Variants in HMCN1 observed in about 807,000 individuals in gnomAD.
HMCN1 encodes the protein hemicentin-1.
Under a neutral mutation model 625.9 loss-of-function variants are expected in HMCN1, and 321 were observed. That is an observed-to-expected ratio of 0.51 (90% CI 0.47 to 0.56). The LOEUF (loss-of-function observed/expected upper bound fraction) is 0.56. Among genes scored for constraint, HMCN1 ranks in the 20% least tolerant of loss-of-function variants. The probability of loss-of-function intolerance (pLI) is 0.00; values close to 1 mark genes in which losing one functional copy is unlikely to be tolerated. For missense variants in HMCN1, 6,588 were observed against 6,887.3 expected, an observed-to-expected ratio of 0.96 and a Z score of 1.54; for synonymous variants, 2,425 against 2,417.6, an observed-to-expected ratio of 1.00 and a Z score of -0.09.
intron 44 of HMCN1, among the ~76,000 whole-genome samples, chr1:186,054,969 A>T (rs1359946048): frequency 6.6e-6 from 1 of 152,044 alleles, no homozygotes; most frequent in Non-Finnish European, 1.5e-5. Context: ...CTGAGAAACC[A>T]TCTCAGTTTT....
rs372743369 is a variant in HMCN1 at position 186,040,189 on chromosome 1, C to T, written c.6180+310C>T. 1.4e-4 allele frequency among the ~76,000 whole-genome samples: 21 copies of T among 152,154 alleles called. No individual in the cohort carries two copies. The East Asian group carries it at 1.5e-3, about 11-fold the overall frequency. On this transcript the variant is annotated intron_variant, in intron 39 of 106. Coordinates refer to ENST00000271588, the MANE Select transcript of HMCN1 (RefSeq NM_031935.3). ...TGCTGCTACCACAATAGATACTTTACACAAAGAAATGTTAATAAGAAAATA... is the reference window on the plus strand; with the variant it reads ...TGCTGCTACCACAATAGATACTTTATACAAAGAAATGTTAATAAGAAAATA...
intron 1 of HMCN1, among the ~76,000 whole-genome samples, chr1:185,838,497 C>T (rs1318656152): frequency 6.6e-6 from 1 of 152,066 alleles, no homozygotes; most frequent in Non-Finnish European, 1.5e-5. Context: ...TATTGGGGAA[C>T]CTGTAGGAGC....
intron 1 of HMCN1, among the ~76,000 whole-genome samples, chr1:185,751,980 T>C (rs1654844431): frequency 6.6e-6 from 1 of 152,162 alleles, no homozygotes; most frequent in African/African-American, 2.4e-5. Flanking sequence ...TTTATTTCCT[T>C]GTGTGGTTGC....
intron 81 of HMCN1, among the ~76,000 whole-genome samples, chr1:186,124,937 A>AAAAT (rs1558241796): frequency 6.6e-6 from 1 of 152,062 alleles, no homozygotes; most frequent in Non-Finnish European, 1.5e-5. Context: ...TTATTACACT[A>AAAAT]AAATATTCAG....
chr1:185,935,324 G>C (rs908101336), intron 11 of HMCN1, among the ~76,000 whole-genome samples: 2 of 152,102 alleles, frequency 1.3e-5, no homozygotes, highest in Non-Finnish European at 2.9e-5. Flanking sequence ...TAAAAATGCA[G>C]ATTTCTAACC....
chr1:185,865,349 T>C (rs1663112184), intron 3 of HMCN1, among the ~76,000 whole-genome samples: 1 of 152,158 alleles, frequency 6.6e-6, no homozygotes, highest in African/African-American at 2.4e-5. Context: ...ATGGACAAGC[T>C]TAGATTCACA....
intron 1 of HMCN1, among the ~76,000 whole-genome samples, chr1:185,804,874 T>C (rs1659065417): frequency 6.6e-6 from 1 of 152,124 alleles, no homozygotes; most frequent in Non-Finnish European, 1.5e-5. Context: ...AGACTACAGA[T>C]TCCTGCTGTT....
chr1:185,902,405 C>CTATCTATCTATCTATCTCTA (rs903275348), intron 4 of HMCN1, among the ~76,000 whole-genome samples: 1 of 145,358 alleles, frequency 6.9e-6, no homozygotes, highest in African/African-American at 2.6e-5. Flanking sequence ...ATCTATCTAT[C>CTATCTATCTATCTATCTCTA]TCTATCTATC....
rs796506849 is a variant in HMCN1, at chr1:186,063,445, A to AGG, written c.7513+846_7513+847insGG. 2.2e-3 allele frequency among the ~76,000 whole-genome samples: 274 copies of AGG among 127,316 alleles called. 2 individuals are homozygous for AGG. Among genetic ancestry groups the AGG allele is most frequent in the African/African-American group, 7.8e-3 (252 of 32,192 alleles). 83.5% of individuals were successfully genotyped at this position (127,316 alleles called of 152,430 possible). ...AAGGAAGGGAGGGAGGGAGGGACGG[A>AGG]GAGAGAAGGAAGGAAGGAAGGAAGG... is the stretch of plus-strand genomic sequence containing the variant. On this transcript the variant is annotated intron_variant, in intron 48 of 106. Transcript: ENST00000271588.
In HMCN1 at chr1:186,069,704, G is replaced by C; in HGVS notation, c.7921G>C (p.Ala2641Pro). The C allele has an allele frequency of 6.2e-7, 1 of 1,613,450 alleles. No homozygotes were observed. Among genetic ancestry groups the C allele is most frequent in the South Asian group, 1.1e-5 (1 of 90,874 alleles). The change falls in exon 51 of 107, where the codon GCT becomes CCT. Residue 2641 changes from alanine to proline, a missense_variant. Physicochemically the swap from Ala to Pro is conservative, Grantham distance 27. Transcript: ENST00000271588. ...LQILNAQEDN[A>P]GRYSCVATNE... ...GATCCTCAATGCACAGGAGGACAAT[G>C]CTGGAAGATACTCTTGTGTAGCCAC...
chr1:185,814,446 T>A (rs1228575390), intron 1 of HMCN1, among the ~76,000 whole-genome samples: 3 of 152,178 alleles, frequency 2.0e-5, no homozygotes, highest in African/African-American at 7.2e-5. Flanking sequence ...GAGAAATTAC[T>A]CATACTTCTA....
At chr1:186,133,056 G>A (rs1476317399) in intron 86 of HMCN1, among the ~76,000 whole-genome samples, 3 of 152,158 alleles carry the variant, frequency 2.0e-5, no homozygotes, top group Non-Finnish European at 4.4e-5. Flanking sequence ...GGACATTTGG[G>A]TTGGTTCCAA....
chr1:186,070,930 G>A (rs10911811), intron 52 of HMCN1, among the ~76,000 whole-genome samples, 173 bp downstream of exon 52: 1 of 151,924 alleles, frequency 6.6e-6, no homozygotes, highest in African/African-American at 2.4e-5. Context: ...CCAACCTGAA[G>A]GATGTTCAAC....
intron 1 of HMCN1, among the ~76,000 whole-genome samples, chr1:185,783,703 G>A (rs999068982): frequency 2.0e-5 from 3 of 152,186 alleles, no homozygotes; most frequent in African/African-American, 7.2e-5. Flanking sequence ...CATTCCTCTG[G>A]AAGCTTCGTC....
rs1162263587 is a variant in HMCN1, at chr1:186,189,614, T to C, written c.16644T>C (p.Asn5548=). 1.2e-6 allele frequency: 2 copies of C among 1,613,386 alleles called. No homozygotes were observed. The highest frequency in any genetic ancestry group is 1.7e-5 in the Admixed American group (1 of 59,972). Residue 5548 remains asparagine, a synonymous_variant, in exon 107 of 107, where the codon AAT becomes AAC. Coordinates refer to ENST00000271588, the MANE Select transcript of HMCN1 (RefSeq NM_031935.3). Reference sequence around the variant, plus strand: ...CCCTCCCATTTGGAATAGCCACCAATCAAGATTTAATCCGGCTGGTTGCAT... The same window carrying C: ...CCCTCCCATTTGGAATAGCCACCAACCAAGATTTAATCCGGCTGGTTGCAT... ...LVSLPFGIAT[N]QDLIRLVAYT...
chr1:186,165,025 A>G (rs1348925162), intron 97 of HMCN1, 86 bp from the exon 98 acceptor site: 2 of 1,165,424 alleles, frequency 1.7e-6, no homozygotes, highest in East Asian at 4.7e-5. Context: ...TCTTTGGCAT[A>G]TCTTCCCAGG....
intron 1 of HMCN1, among the ~76,000 whole-genome samples, chr1:185,755,020 T>C (rs1655045182): frequency 6.6e-6 from 1 of 152,196 alleles, no homozygotes; most frequent in Non-Finnish European, 1.5e-5. Context: ...TACCTTCTCA[T>C]AGAGTTGTTT....
chr1:186,146,530 A>G (rs1190947045), intron 93 of HMCN1, among the ~76,000 whole-genome samples: 1 of 152,182 alleles, frequency 6.6e-6, no homozygotes, highest in Non-Finnish European at 1.5e-5. Context: ...TAACGGTTTT[A>G]TATTGTTGAA....
intron 6 of HMCN1, among the ~76,000 whole-genome samples, chr1:185,919,353 T>C (rs1666889068): frequency 6.6e-6 from 1 of 152,156 alleles, no homozygotes; most frequent in Non-Finnish European, 1.5e-5. Flanking sequence ...CATTGCCTTC[T>C]GATTATTTGT....
Sources: gnomAD v4.1 joint callset for allele counts (sites outside exome capture counted in the v4.1 genomes callset) on GRCh38, gnomAD v4.1.1 for gene constraint, MANE v1.5 for transcripts, NCBI Gene and HGNC (gene_info 2026-07-23, HGNC 2026-07-21) for gene names.